The following PTPRD variants were observed in gnomAD, a reference collection of about 807,000 sequenced individuals.
PTPRD encodes protein tyrosine phosphatase receptor type D.
PTPRD carries 34 observed loss-of-function variants against 214.5 expected under a neutral mutation model. The observed-to-expected ratio is 0.16, with a 90% CI of 0.12 to 0.21. The LOEUF is 0.21. Among genes scored for constraint, PTPRD ranks in the 10% least tolerant of loss-of-function variants. The probability of loss-of-function intolerance (pLI) is 1.00; values close to 1 mark genes in which losing one functional copy is unlikely to be tolerated. For missense variants in PTPRD, 2,545 were observed against 2,398.7 expected, an observed-to-expected ratio of 1.06 and a Z score of -1.27; for synonymous variants, 1,128 against 845.7, an observed-to-expected ratio of 1.33 and a Z score of -5.79.
rs2099082716 is a variant in PTPRD at position 8,948,504 on chromosome 9, TTTA to T, written c.-104+70190_-104+70192del. 1.2e-4 allele frequency among the ~76,000 whole-genome samples: 6 copies of T among 48,430 alleles called. 1 individual carries two copies. In the East Asian group the frequency reaches 4.1e-3, roughly 33 times the overall value. 31.8% of individuals were successfully genotyped at this position (48,430 alleles called of 152,430 possible). A position where few individuals can be genotyped will look rare whatever the true frequency, so the allele number is the denominator to read the frequency against. On this transcript the variant is annotated intron_variant, in intron 11 of 45. Coordinates refer to ENST00000381196, the MANE Select transcript of PTPRD (RefSeq NM_002839.4). Reference sequence around the variant, plus strand: ...ATTTATATATATATTTATATATATATTTATATATATATATTTATATATATATTT... The same window carrying T: ...ATTTATATATATATTTATATATATATTATATATATATTTATATATATATTT...
chr9:10,455,861 A>G (rs887277700), intron 2 of PTPRD, among the ~76,000 whole-genome samples: 8 of 151,822 alleles, frequency 5.3e-5, no homozygotes, highest in African/African-American at 9.7e-5. Flanking sequence ...TGTAAAACCA[A>G]TTGTGTTACC....
chr9:8,373,858 C>A (rs200925559), intron 39 of PTPRD, among the ~76,000 whole-genome samples: 4,258 of 85,200 alleles, frequency 0.05, 111 homozygotes, highest in Admixed American at 0.069. Context: ...GTGTATGTGT[C>A]TGTCTGTCTA....
intron 11 of PTPRD, among the ~76,000 whole-genome samples, chr9:8,836,196 T>C (rs2097418039): frequency 1.3e-5 from 2 of 152,134 alleles, no homozygotes; most frequent in African/African-American, 4.8e-5. Flanking sequence ...ATAACCAAAG[T>C]TAGTGACCTT....
intron 2 of PTPRD, among the ~76,000 whole-genome samples, chr9:10,524,759 GACA>G (rs1457263488): frequency 1.3e-5 from 2 of 151,898 alleles, no homozygotes; most frequent in African/African-American, 2.4e-5. Flanking sequence ...CGAGTTCATG[GACA>G]ACTACTAAAA....
At chr9:10,317,318 T>C (rs2096460883) in intron 3 of PTPRD, among the ~76,000 whole-genome samples, 3 of 152,120 alleles carry the variant, frequency 2.0e-5, no homozygotes, top group South Asian at 4.1e-4. Flanking sequence ...TCCTTTTTAA[T>C]GATAATGTGA....
intron 8 of PTPRD, among the ~76,000 whole-genome samples, chr9:9,554,612 T>C (rs916072699): frequency 2.0e-5 from 3 of 152,032 alleles, no homozygotes; most frequent in African/African-American, 4.8e-5. Context: ...GGTCGTTGTT[T>C]GGCACCTGAA....
At chr9:8,964,182 T>A (rs1463404938) in intron 11 of PTPRD, among the ~76,000 whole-genome samples, 1 of 110,834 alleles carries the variant, frequency 9.0e-6, no homozygotes, top group Non-Finnish European at 1.9e-5. Context: ...TCTATCTAGT[T>A]CAGGGCTGTG....
intron 3 of PTPRD, among the ~76,000 whole-genome samples, chr9:10,236,872 C>G (rs576902721): frequency 2.6e-4 from 39 of 151,678 alleles, no homozygotes; most frequent in Non-Finnish European, 5.5e-4. Flanking sequence ...TATAACTGAC[C>G]ATTAACCTGT....
intron 11 of PTPRD, among the ~76,000 whole-genome samples, chr9:8,956,814 A>T (rs12236876): frequency 0.018 from 2,686 of 151,900 alleles, 140 homozygotes; most frequent in East Asian, 0.16. Flanking sequence ...CATCTATCTC[A>T]GTGAATCTTA....
intron 2 of PTPRD, among the ~76,000 whole-genome samples, chr9:10,343,481 G>A (rs1437558902): frequency 6.6e-6 from 1 of 152,008 alleles, no homozygotes; most frequent in Non-Finnish European, 1.5e-5. Context: ...ATAATCCTTT[G>A]GGTATATACC....
chr9:9,256,165 C>A (rs2099977605), intron 9 of PTPRD, among the ~76,000 whole-genome samples: 4 of 152,040 alleles, frequency 2.6e-5, no homozygotes, highest in Middle Eastern at 6.8e-3. Context: ...AATGACAGAG[C>A]CAAGACTAAA....
chr9:9,626,397 T>C (rs1488325257), intron 7 of PTPRD, among the ~76,000 whole-genome samples: 2 of 152,172 alleles, frequency 1.3e-5, no homozygotes, highest in Admixed American at 6.5e-5. Context: ...AGTCACAGGA[T>C]TTAATAAATT....
intron 8 of PTPRD, among the ~76,000 whole-genome samples, chr9:9,473,784 T>C (rs549338028): frequency 2.0e-5 from 3 of 150,758 alleles, no homozygotes; most frequent in African/African-American, 7.4e-5. Flanking sequence ...ATTTGAAAAA[T>C]GGATATTCAG....
intron 3 of PTPRD, among the ~76,000 whole-genome samples, chr9:10,039,895 G>T (rs914492509): frequency 2.6e-5 from 4 of 151,990 alleles, no homozygotes; most frequent in African/African-American, 9.7e-5. Flanking sequence ...AGACATCTAT[G>T]ATTTAAAATT....
intron 9 of PTPRD, among the ~76,000 whole-genome samples, chr9:9,310,367 C>G (rs1482433795): frequency 6.6e-6 from 1 of 152,092 alleles, no homozygotes; most frequent in Non-Finnish European, 1.5e-5. Context: ...AATCTGCAGA[C>G]TAGTAGCATG....
intron 3 of PTPRD, among the ~76,000 whole-genome samples, chr9:10,127,331 T>TGG (rs2098827468): frequency 2.6e-5 from 4 of 152,176 alleles, no homozygotes; most frequent in Non-Finnish European, 5.9e-5. Flanking sequence ...TATCTCAAAA[T>TGG]AATGTGGCAA....
At chr9:10,596,596 T>C (rs1448913804) in intron 2 of PTPRD, among the ~76,000 whole-genome samples, 1 of 151,724 alleles carries the variant, frequency 6.6e-6, no homozygotes, top group Non-Finnish European at 1.5e-5. Context: ...TTATATTAAT[T>C]ATTTTGTAAT....
intron 11 of PTPRD, among the ~76,000 whole-genome samples, chr9:8,997,280 T>C (rs1164767284): frequency 6.6e-6 from 1 of 152,154 alleles, no homozygotes; most frequent in African/African-American, 2.4e-5. Flanking sequence ...CTTTTACAAA[T>C]TGAAGGTTTG....
chr9:8,749,106 A>C (rs2093239047), intron 11 of PTPRD, among the ~76,000 whole-genome samples: 1 of 152,282 alleles, frequency 6.6e-6, no homozygotes, highest in African/African-American at 2.4e-5. Context: ...AAAAAAAAGT[A>C]GAAGTTCTAT....
Sources: gnomAD v4.1 joint callset for allele counts (sites outside exome capture counted in the v4.1 genomes callset) on GRCh38, gnomAD v4.1.1 for gene constraint, MANE v1.5 for transcripts, NCBI Gene and HGNC (gene_info 2026-07-23, HGNC 2026-07-21) for gene names.